GRM7: variants seen among roughly 807,000 people sequenced by gnomAD.
GRM7 encodes the protein metabotropic glutamate receptor 7.
GRM7 carries 35 observed loss-of-function variants against 84.5 expected under a neutral mutation model. That is an observed-to-expected ratio of 0.41 (90% CI 0.32 to 0.55). The LOEUF (loss-of-function observed/expected upper bound fraction) is 0.55. Among genes scored for constraint, GRM7 ranks in the 20% least tolerant of loss-of-function variants. The pLI is 0.19. For missense variants in GRM7, 1,003 were observed against 1,194.6 expected (o/e 0.84, Z 2.36); for synonymous variants, 487 against 455.1 (o/e 1.07, Z -0.89).
intron 4 of GRM7, among the ~76,000 whole-genome samples, chr3:7,387,856 G>C (rs1365793265): frequency 6.6e-6 from 1 of 151,978 alleles, no homozygotes; most frequent in Non-Finnish European, 1.5e-5. Context: ...AGGAACTATG[G>C]TAAATTTGTA....
At chr3:7,529,604 G>A (rs1700948668) in intron 7 of GRM7, among the ~76,000 whole-genome samples, 1 of 152,044 alleles carries the variant, frequency 6.6e-6, no homozygotes, top group African/African-American at 2.4e-5. Context: ...GCTCTCCTTT[G>A]TTCTCATAAC....
intron 1 of GRM7, among the ~76,000 whole-genome samples, chr3:7,019,736 G>A (rs1015457898): frequency 1.3e-5 from 2 of 152,176 alleles, no homozygotes; most frequent in African/African-American, 4.8e-5. Context: ...AGTGTAGCCT[G>A]TGAAGAACTG....
intron 1 of GRM7, among the ~76,000 whole-genome samples, chr3:7,135,208 T>C (rs1693733599): frequency 6.6e-6 from 1 of 152,224 alleles, no homozygotes; most frequent in Non-Finnish European, 1.5e-5. Flanking sequence ...CCAACCATCC[T>C]ATGTGAGCAG....
intron 8 of GRM7, among the ~76,000 whole-genome samples, chr3:7,679,615 C>T (rs906494458): frequency 1.3e-5 from 2 of 152,200 alleles, no homozygotes; most frequent in African/African-American, 2.4e-5. Context: ...ATAAAGACTT[C>T]TCAAAAGGCC....
At chr3:7,472,120 C>G (rs1464850951) in intron 7 of GRM7, among the ~76,000 whole-genome samples, 1 of 152,176 alleles carries the variant, frequency 6.6e-6, no homozygotes, top group Non-Finnish European at 1.5e-5. Context: ...CTCTTGCTTC[C>G]TCTCTCACTG....
rs143316006 is a variant in GRM7 at position 7,358,588 on chromosome 3, G to A, written c.1033+51936G>A. Among the ~76,000 whole-genome samples the A allele has an allele frequency of 1.5e-3, 221 of 148,322 alleles. 33 individuals are homozygous for A. Among genetic ancestry groups the A allele is most frequent in the African/African-American group, 5.4e-3 (211 of 39,228 alleles). On this transcript the variant is annotated intron_variant, in intron 4 of 9. Coordinates refer to ENST00000357716, the MANE Select transcript of GRM7 (RefSeq NM_000844.4). ...TCTCATAAAGGTTCTGAGAAGTCCC[G>A]AAATAAGTGAACCAATTTAACTTTA...
At chr3:7,648,622 T>A (rs1188202987) in intron 8 of GRM7, among the ~76,000 whole-genome samples, 12 of 151,274 alleles carry the variant, frequency 7.9e-5, no homozygotes, top group African/African-American at 2.9e-4. Context: ...GCACTCCAGC[T>A]TGGGTGACAG....
chr3:7,585,503 C>A (rs1392547243), intron 8 of GRM7, among the ~76,000 whole-genome samples: 1 of 152,104 alleles, frequency 6.6e-6, no homozygotes, highest in Non-Finnish European at 1.5e-5. Flanking sequence ...CTGAACTGAG[C>A]TAAAACTAAT....
intron 1 of GRM7, among the ~76,000 whole-genome samples, chr3:7,125,435 A>T (rs1187619388): frequency 6.6e-6 from 1 of 152,210 alleles, no homozygotes; most frequent in East Asian, 1.9e-4. Context: ...TAGAGTATGC[A>T]TAAGATCAAG....
chr3:7,038,040 T>C (rs1696444421), intron 1 of GRM7, among the ~76,000 whole-genome samples: 1 of 152,152 alleles, frequency 6.6e-6, no homozygotes, highest in Non-Finnish European at 1.5e-5. Flanking sequence ...TTTCAGTCAA[T>C]AAAAAGGGCA....
chr3:7,523,753 C>A (rs1012942456), intron 7 of GRM7, among the ~76,000 whole-genome samples: 2 of 152,036 alleles, frequency 1.3e-5, no homozygotes, highest in Non-Finnish European at 2.9e-5. Context: ...CTGGCATGGT[C>A]ACTGTTGCAT....
intron 7 of GRM7, among the ~76,000 whole-genome samples, chr3:7,557,884 C>T (rs1324323573): frequency 3.3e-5 from 5 of 152,082 alleles, no homozygotes; most frequent in Non-Finnish European, 7.4e-5. Context: ...GGGAGTGACC[C>T]TCAGAAATAA....
chr3:7,210,880 G>C (rs1696401554), intron 2 of GRM7, among the ~76,000 whole-genome samples: 1 of 151,742 alleles, frequency 6.6e-6, no homozygotes, highest in African/African-American at 2.4e-5. Flanking sequence ...CTGGTGGAAG[G>C]CTGGCATGAT....
At chr3:7,407,145 A>G (rs1695715414) in intron 4 of GRM7, among the ~76,000 whole-genome samples, 2 of 152,178 alleles carry the variant, frequency 1.3e-5, no homozygotes, top group Non-Finnish European at 2.9e-5. Flanking sequence ...ACATTTAATC[A>G]CTAAGGCAGG....
rs533177449 is a variant in GRM7 at position 6,974,633 on chromosome 3, A to G, written c.519+112726A>G. Among the ~76,000 whole-genome samples, 13 of 152,292 alleles carry G rather than the reference A, an allele frequency of 8.5e-5. 1 individual carries two copies. In the South Asian group the frequency reaches 2.7e-3, roughly 32 times the overall value. ...GGAGTCCAGGTGCATGAGATGTTTC[A>G]AGGAAGAGGTCGTGATCAACTGTGT... On this transcript the variant is annotated intron_variant, in intron 1 of 9. Coordinates refer to ENST00000357716, the MANE Select transcript of GRM7 (RefSeq NM_000844.4).
rs1209938099 is a variant in GRM7 at position 7,093,676 on chromosome 3, C to CAAAAAAAAA, written c.520-52746_520-52738dup. Among the ~76,000 whole-genome samples the CAAAAAAAAA allele has an allele frequency of 1.2e-3, 17 of 13,958 alleles. 4 individuals are homozygous for CAAAAAAAAA. The highest frequency in any genetic ancestry group is 4.1e-3 in the African/African-American group (15 of 3,658). 9.2% of individuals were successfully genotyped at this position (13,958 alleles called of 152,430 possible). ...TGGGCGATAGAGCAAGACTCTGTCT[C>CAAAAAAAAA]AAAAAAAAAAAAAAAAAAAAAAAAA... On this transcript the variant is annotated intron_variant, in intron 1 of 9. Coordinates refer to ENST00000357716, the MANE Select transcript of GRM7 (RefSeq NM_000844.4).
chr3:7,358,342 G>A (rs556424000), intron 4 of GRM7, among the ~76,000 whole-genome samples: 31 of 152,168 alleles, frequency 2.0e-4, no homozygotes, highest in Non-Finnish European at 3.8e-4. Context: ...ACAACAAGGC[G>A]TGGACTGAGT....
intron 2 of GRM7, among the ~76,000 whole-genome samples, chr3:7,244,229 C>G (rs977145982): frequency 6.6e-6 from 1 of 152,038 alleles, no homozygotes; most frequent in Admixed American, 6.6e-5. Flanking sequence ...TGTGTGATAA[C>G]ACTTATCTTA....
chr3:7,675,483 A>T (rs530046556), intron 8 of GRM7, among the ~76,000 whole-genome samples: 2 of 152,362 alleles, frequency 1.3e-5, no homozygotes, highest in African/African-American at 4.8e-5. Context: ...GTTAGCACTA[A>T]ATGTTATATG....
Sources: allele counts gnomAD v4.1 joint callset (sites outside exome capture counted in the v4.1 genomes callset), GRCh38; gene constraint gnomAD v4.1.1; transcripts MANE v1.5; gene names NCBI Gene and HGNC (gene_info 2026-07-23, HGNC 2026-07-21).